The following DYNC2I2 variants were observed in gnomAD, a reference collection of about 807,000 sequenced individuals.
DYNC2I2 encodes the protein dynein 2 intermediate chain 2, also known as cytoplasmic dynein 2 intermediate chain 2.
In DYNC2I2, 39 loss-of-function variants were observed where a neutral mutation model predicts 52.0. That is an observed-to-expected ratio of 0.75 (90% CI 0.58 to 0.98). The LOEUF (loss-of-function observed/expected upper bound fraction) is 0.98. Ranked by LOEUF, DYNC2I2 falls within the 50% of genes least tolerant of loss-of-function variation. The probability of loss-of-function intolerance (pLI) is 0.00; values close to 1 mark genes in which losing one functional copy is unlikely to be tolerated. For synonymous variants in DYNC2I2, 359 were observed against 321.1 expected (o/e 1.12, Z -1.26); for missense variants, 743 against 728.4 (o/e 1.02, Z -0.23).
chr9:128,659,458 G>A (rs1172486141), upstream of DYNC2I2, among the ~76,000 whole-genome samples: 1 of 147,736 alleles, frequency 6.8e-6, no homozygotes, highest in Non-Finnish European at 1.5e-5. Flanking sequence ...TCGCACCACT[G>A]CACTCCAGCC....
the DYNC2I2 span, among the ~76,000 whole-genome samples, chr9:128,671,436 G>A: frequency 6.7e-6 from 1 of 150,116 alleles, no homozygotes; most frequent in Non-Finnish European, 1.5e-5. Flanking sequence ...CAAGTAGTTA[G>A]GATTACAGGC....
upstream of DYNC2I2, among the ~76,000 whole-genome samples, chr9:128,657,349 G>A (rs1860852052): frequency 6.6e-6 from 1 of 152,150 alleles, no homozygotes; most frequent in South Asian, 2.1e-4. Flanking sequence ...CCTACTGTGT[G>A]TCAGGCAAAG....
At chr9:128,674,972 T>C in the DYNC2I2 span, among the ~76,000 whole-genome samples, 1 of 151,940 alleles carries the variant, frequency 6.6e-6, no homozygotes, top group Non-Finnish European at 1.5e-5. Flanking sequence ...TACCGGGAGA[T>C]TCCTGAGGCC....
At chr9:128,668,948 T>C in the DYNC2I2 span, among the ~76,000 whole-genome samples, 1 of 151,648 alleles carries the variant, frequency 6.6e-6, no homozygotes, top group Non-Finnish European at 1.5e-5. Context: ...ACCTGCCATA[T>C]GGCCAGGTGC....
chr9:128,639,629 A>T (rs1450435527), intron 2 of DYNC2I2, among the ~76,000 whole-genome samples: 1 of 151,990 alleles, frequency 6.6e-6, no homozygotes, highest in East Asian at 1.9e-4. Context: ...TAAACTGAAG[A>T]TTATAATAGC....
chr9:128,644,045 G>C (rs1860566981), intron 1 of DYNC2I2, among the ~76,000 whole-genome samples: 2 of 152,142 alleles, frequency 1.3e-5, no homozygotes, highest in Admixed American at 1.3e-4. Context: ...AGGGGACTAA[G>C]GCAGAATCTC....
the DYNC2I2 span, among the ~76,000 whole-genome samples, chr9:128,671,176 C>T: frequency 6.6e-6 from 1 of 151,758 alleles, no homozygotes; most frequent in African/African-American, 2.4e-5. Context: ...GTGATGAGCA[C>T]CTGTCCCAGC....
At position 128,656,602 on chromosome 9, in the gene DYNC2I2, G is replaced by T; in HGVS notation, c.125C>A (p.Thr42Asn). The change falls in exon 1 of 9, where the codon ACC (threonine) becomes AAC (asparagine). Residue 42 changes from threonine (T) to asparagine (N), a missense_variant. Coordinates refer to ENST00000372715, the MANE Select transcript of DYNC2I2 (RefSeq NM_052844.4). ...CGAGGGCACGGACGCCACACCCAGG[G>T]TCTCGTCCTGCAGCGGCCCTGGCCG... ...PGRPGPLQDE[T>N]LGVASVPSQW... 2 of 1,493,008 alleles carry T rather than the reference G, an allele frequency of 1.3e-6. No individual in the cohort carries two copies. Among genetic ancestry groups the T allele is most frequent in the Non-Finnish European group, 1.8e-6 (2 of 1,129,288 alleles). 92.5% of individuals were successfully genotyped at this position (1,493,008 alleles called of 1,614,324 possible). A position where few individuals can be genotyped will look rare whatever the true frequency, so the allele number is the denominator to read the frequency against.
chr9:128,682,252 G>C, the DYNC2I2 span, among the ~76,000 whole-genome samples: 1 of 151,870 alleles, frequency 6.6e-6, no homozygotes, highest in Non-Finnish European at 1.5e-5. Context: ...GCTTCACCGT[G>C]TTAGCCAGGA....
the DYNC2I2 span, among the ~76,000 whole-genome samples, chr9:128,671,792 C>T: frequency 6.6e-6 from 1 of 150,690 alleles, no homozygotes; most frequent in Non-Finnish European, 1.5e-5. Flanking sequence ...GCTGGGACTA[C>T]AGGTGCCCGC....
At chr9:128,672,483 T>C in the DYNC2I2 span, among the ~76,000 whole-genome samples, 25 of 149,854 alleles carry the variant, frequency 1.7e-4, no homozygotes, top group South Asian at 4.8e-3. Flanking sequence ...TGTGAGCCAC[T>C]ACACTGACCC....
At chr9:128,667,853 C>T in the DYNC2I2 span, among the ~76,000 whole-genome samples, 1 of 143,424 alleles carries the variant, frequency 7.0e-6, no homozygotes, top group African/African-American at 2.7e-5. Flanking sequence ...CTGCCTCAGC[C>T]TCCCGAGTAG....
chr9:128,668,814 TA>T, the DYNC2I2 span, among the ~76,000 whole-genome samples: 3 of 126,080 alleles, frequency 2.4e-5, no homozygotes, highest in African/African-American at 9.0e-5. Flanking sequence ...AGACTCAGTC[TA>T]AAAAAAAGGA....
chr9:128,637,193 C>A (rs956837178), intron 2 of DYNC2I2, among the ~76,000 whole-genome samples, 166 bp from the exon 3 acceptor site: 1 of 152,234 alleles, frequency 6.6e-6, no homozygotes, highest in African/African-American at 2.4e-5. Flanking sequence ...TCTGCCCCAG[C>A]AGAATGCTTC....
At chr9:128,674,479 C>T in the DYNC2I2 span, among the ~76,000 whole-genome samples, 626 of 148,922 alleles carry the variant, frequency 4.2e-3, 8 homozygotes, top group African/African-American at 0.014. Flanking sequence ...CGTGGTGGCT[C>T]ACGCCTGTAA....
At chr9:128,665,113 C>T in the DYNC2I2 span, among the ~76,000 whole-genome samples, 22 of 147,800 alleles carry the variant, frequency 1.5e-4, no homozygotes, top group South Asian at 4.2e-3. Context: ...AGTACATTGG[C>T]GCAATCTCGG....
the DYNC2I2 span, chr9:128,683,664 C>A: frequency 2.2e-6 from 1 of 453,866 alleles, no homozygotes; most frequent in Non-Finnish European, 3.9e-6. Flanking sequence ...AGTGCCCCTG[C>A]AGAGCGAGGC....
chr9:128,664,685 A>G, the DYNC2I2 span, among the ~76,000 whole-genome samples: 1 of 151,546 alleles, frequency 6.6e-6, no homozygotes, highest in Non-Finnish European at 1.5e-5. Flanking sequence ...GGGTTTCACC[A>G]TGTTGGCCAG....
chr9:128,656,542 G>A lies in DYNC2I2; in HGVS notation c.185C>T (p.Thr62Met). Residue 62 changes from threonine (T) to methionine (M), a missense_variant and splice_region_variant, in exon 1 of 9, where the codon ACG (threonine) becomes ATG (methionine). Physicochemically the swap from Thr to Met is moderately conservative, Grantham distance 81. Transcript: ENST00000372715. ...TCCGCGCGGGGCCCGCGCCCTCACC[G>A]TCTCCCAGCGGATGCCCTGGACGGC... Reference protein sequence around the residue: ...WRAVQGIRWETKSCQTASIAT... With the variant: ...WRAVQGIRWEMKSCQTASIAT... 1.4e-6 allele frequency: 2 copies of A among 1,407,580 alleles called. No homozygotes were observed. Among genetic ancestry groups the A allele is most frequent in the Non-Finnish European group, 1.8e-6 (2 of 1,083,044 alleles). 87.2% of individuals were successfully genotyped at this position (1,407,580 alleles called of 1,614,324 possible). A position where few individuals can be genotyped will look rare whatever the true frequency, so the allele number is the denominator to read the frequency against.
Sources: allele counts gnomAD v4.1 joint callset (sites outside exome capture counted in the v4.1 genomes callset), GRCh38; gene constraint gnomAD v4.1.1; transcripts MANE v1.5; gene names NCBI Gene and HGNC (gene_info 2026-07-23, HGNC 2026-07-21).